Variants in HPRT1 observed in about 807,000 individuals in gnomAD.
HPRT1 encodes the protein hypoxanthine-guanine phosphoribosyltransferase.
HPRT1 carries 4 observed loss-of-function variants against 19.0 expected under a neutral mutation model. The ratio of observed to expected loss-of-function variants is 0.21; its 90% CI spans 0.10 to 0.48. HPRT1 has a LOEUF of 0.48. HPRT1 is among the 20% of genes least tolerant of loss of function. The pLI is 0.98. For synonymous variants in HPRT1, 53 were observed against 54.9 expected (o/e 0.97, Z 0.15); for missense variants, 65 against 164.0 (o/e 0.40, Z 3.30).
chrX:134,492,411 G>A (rs762573425), intron 5 of HPRT1: 30 of 274,018 alleles, frequency 1.1e-4, no homozygotes, highest in Admixed American at 3.8e-4. Flanking sequence ...TCCCATGCAT[G>A]TTTTTTATAC....
chrX:134,474,143 T>C (rs2077617374), intron 2 of HPRT1, among the ~76,000 whole-genome samples: 1 of 111,958 alleles, frequency 8.9e-6, no homozygotes, highest in Non-Finnish European at 1.9e-5. Flanking sequence ...CTATCTAATA[T>C]ATTTTAAAGG....
chrX:134,482,236 G>A (rs1441332404), intron 3 of HPRT1, among the ~76,000 whole-genome samples: 2 of 110,215 alleles, frequency 1.8e-5, no homozygotes, highest in African/African-American at 3.3e-5. Context: ...TGTATTTTTT[G>A]TAGAGACGGG....
chrX:134,492,030 T>TACACACACACACACACACACACACACAC (rs2077668420), intron 5 of HPRT1, among the ~76,000 whole-genome samples: 3 of 98,715 alleles, frequency 3.0e-5, no homozygotes, highest in African/African-American at 1.2e-4. Context: ...TACATATATA[T>TACACACACACACACACACACACACACAC]ATATACACAC....
intron 6 of HPRT1, among the ~76,000 whole-genome samples, chrX:134,496,033 G>A (rs6634994): frequency 1.4e-3 from 162 of 112,158 alleles, no homozygotes; most frequent in Admixed American, 0.01. Flanking sequence ...CTACCTGTTG[G>A]CTTTTATGAA....
chrX:134,463,421 A>C (rs367854117), intron 1 of HPRT1, among the ~76,000 whole-genome samples: 3 of 111,491 alleles, frequency 2.7e-5, no homozygotes, highest in East Asian at 2.8e-4. Flanking sequence ...GGTAAAACGG[A>C]GCACCTTTTT....
chrX:134,471,693 T>G (rs2077610803), intron 1 of HPRT1, among the ~76,000 whole-genome samples: 1 of 111,353 alleles, frequency 9.0e-6, no homozygotes, highest in Admixed American at 9.6e-5. Context: ...CAGGCTGGAG[T>G]GCAGTGGTGT....
intron 6 of HPRT1, among the ~76,000 whole-genome samples, chrX:134,496,754 G>A (rs985059615): frequency 1.8e-5 from 2 of 111,696 alleles, no homozygotes; most frequent in Middle Eastern, 4.6e-3. Flanking sequence ...AAAAAACCAG[G>A]ATAACCTCTG....
In HPRT1 at chrX:134,473,151, A is replaced by G. The variant is rs5933415; in HGVS notation, c.28-208A>G. Reference sequence around the variant, plus strand: ...GCAGTCTGCCTGCCTCAGCCTCCCAAAGTGCTGGGATTACACGTGTGAACC... The same window carrying G: ...GCAGTCTGCCTGCCTCAGCCTCCCAGAGTGCTGGGATTACACGTGTGAACC... On this transcript the variant is annotated intron_variant, in intron 1 of 8. Transcript: ENST00000298556. 7.0e-3 allele frequency among the ~76,000 whole-genome samples: 785 copies of G among 111,680 alleles called. 5 individuals carry two copies. The highest frequency in any genetic ancestry group is 9.2e-3 in the Middle Eastern group (2 of 217).
chrX:134,500,120 T>G lies in HPRT1; in HGVS notation c.*43T>G. ...AGTTTGGAAACATCTGGAGTCCTAT[T>G]GACATCGCCAGTAAAATTATCAATG... On this transcript the variant is annotated 3_prime_UTR_variant, in exon 9 of 9. Coordinates refer to ENST00000298556, the MANE Select transcript of HPRT1 (RefSeq NM_000194.3). 1 of 883,193 alleles carries G rather than the reference T, an allele frequency of 1.1e-6. No homozygotes were observed. Among genetic ancestry groups the G allele is most frequent in the Non-Finnish European group, 1.7e-6 (1 of 595,177 alleles). The allele number at this position is 883,193 out of a possible 1,213,427, so 72.8% of individuals were successfully genotyped here.
intron 6 of HPRT1, among the ~76,000 whole-genome samples, chrX:134,494,275 A>G (rs747863638): frequency 2.7e-5 from 3 of 112,451 alleles, no homozygotes; most frequent in African/African-American, 9.7e-5. Flanking sequence ...AGTTTTTAAT[A>G]GAGTGACATC....
At chrX:134,486,640 G>A (rs933998751) in intron 4 of HPRT1, 110 bp downstream of exon 4, 1 of 521,301 alleles carries the variant, frequency 1.9e-6, no homozygotes, top group African/African-American at 2.3e-5. Flanking sequence ...AACTAAATGG[G>A]TTATTTAACC....
intron 3 of HPRT1, among the ~76,000 whole-genome samples, chrX:134,482,038 TG>T (rs913062150): frequency 1.6e-4 from 18 of 110,970 alleles, no homozygotes; most frequent in Admixed American, 6.7e-4. Context: ...AAATACCAGG[TG>T]GTTTTTGTTT....
intron 1 of HPRT1, among the ~76,000 whole-genome samples, chrX:134,462,381 C>T (rs1157743654): frequency 9.0e-6 from 1 of 111,064 alleles, no homozygotes; most frequent in Non-Finnish European, 1.9e-5. Context: ...GAGGTTTCAC[C>T]ATGTTGGCCA....
In HPRT1 at chrX:134,500,500, A is replaced by G. The variant is rs2077692718; in HGVS notation, c.*423A>G. 8.4e-6 allele frequency: 1 copy of G among 118,871 alleles called. No homozygotes were observed. Among genetic ancestry groups the G allele is most frequent in the Admixed American group, 8.7e-5 (1 of 11,466 alleles). The allele number at this position is 118,871 out of a possible 1,213,427, so 9.8% of individuals were successfully genotyped here. A position where few individuals can be genotyped will look rare whatever the true frequency, so the allele number is the denominator to read the frequency against. On this transcript the variant is annotated 3_prime_UTR_variant, in exon 9 of 9. Transcript: ENST00000298556. Reference sequence around the variant, plus strand: ...TGTGTTAGAAAAGTAAGAAGCAGTCAATTTTCACATCAAAGACAGCATCTA... The same window carrying G: ...TGTGTTAGAAAAGTAAGAAGCAGTCGATTTTCACATCAAAGACAGCATCTA...
At chrX:134,486,926 G>A (rs1205695820) in intron 4 of HPRT1, among the ~76,000 whole-genome samples, 1 of 109,929 alleles carries the variant, frequency 9.1e-6, no homozygotes, top group Non-Finnish European at 1.9e-5. Context: ...TGTGAGTTCC[G>A]GAGCCTGACA....
chrX:134,466,232 A>G (rs1352094460), intron 1 of HPRT1, among the ~76,000 whole-genome samples: 4 of 109,983 alleles, frequency 3.6e-5, no homozygotes, highest in African/African-American at 9.9e-5. Flanking sequence ...AGCCTGGCCA[A>G]TGTAGTGAAA....
intron 3 of HPRT1, among the ~76,000 whole-genome samples, chrX:134,484,696 C>T (rs888117408): frequency 4.5e-5 from 5 of 112,207 alleles, no homozygotes; most frequent in Non-Finnish European, 9.4e-5. Context: ...ATTATTCTGT[C>T]TCAGTGTGCT....
intron 4 of HPRT1, chrX:134,486,734 A>G (rs2077654415): frequency 2.4e-6 from 1 of 414,531 alleles, no homozygotes. Flanking sequence ...TTAAATGTCC[A>G]TATTGTCAAG....
chrX:134,493,501 T>A lies in HPRT1; in HGVS notation c.403-7T>A, dbSNP rs1247461753. The A allele has an allele frequency of 3.1e-5, 37 of 1,183,728 alleles. No homozygotes were observed. The highest frequency in any genetic ancestry group is 4.0e-5 in the Non-Finnish European group (35 of 871,366). On this transcript the variant is annotated splice_polypyrimidine_tract_variant and splice_region_variant and intron_variant, in intron 5 of 8. Transcript: ENST00000298556. ...TTAAAGCTATGCAATGTCTTCTTTT[T>A]TGAAAGGATATAATTGACACTGGCA...
Sources: allele counts gnomAD v4.1 joint callset (sites outside exome capture counted in the v4.1 genomes callset), GRCh38; gene constraint gnomAD v4.1.1; transcripts MANE v1.5; gene names NCBI Gene and HGNC (gene_info 2026-07-23, HGNC 2026-07-21).